AKAP13: variants seen among roughly 807,000 people sequenced by gnomAD.
The protein encoded by AKAP13 is A-kinase anchoring protein 13, also known as A-kinase anchor protein 13.
Under a neutral mutation model 264.5 loss-of-function variants are expected in AKAP13, and 80 were observed. The ratio of observed to expected loss-of-function variants is 0.30; its 90% CI spans 0.25 to 0.36. AKAP13 has a LOEUF of 0.36. Among genes scored for constraint, AKAP13 ranks in the 10% least tolerant of loss-of-function variants. AKAP13 has a pLI of 1.00. For synonymous variants in AKAP13, 1,380 were observed against 1,250.2 expected (o/e 1.10, Z -2.19); for missense variants, 3,712 against 3,435.2 (o/e 1.08, Z -2.01).
chr15:85,384,642 G>A (rs552684317), intron 1 of AKAP13, among the ~76,000 whole-genome samples: 60 of 151,868 alleles, frequency 4.0e-4, no homozygotes, highest in African/African-American at 1.3e-3. Context: ...GCTTGAACCC[G>A]GGAGGTGGAG....
Position 85,723,212 on chromosome 15 carries a change from A to G in AKAP13, c.6637A>G (p.Ile2213Val), listed in dbSNP as rs1300669673. The G allele has an allele frequency of 5.6e-6, 9 of 1,614,086 alleles. No individual in the cohort carries two copies. The highest frequency in any genetic ancestry group is 2.2e-5 in the South Asian group (2 of 91,086). ...EIYTKTDSKS[I>V]MRMKSGQMFA... ...TTATACAAAGACAGATAGCAAGTCA[A>G]TCATGAGGATGAAGAGTGGTCAGAT... The change falls in exon 26 of 37, where the codon ATC becomes GTC. Residue 2213 changes from isoleucine to valine, a missense_variant. This residue lies in a region of AKAP13 where 342 missense variants were observed against 484.3 expected (regional missense o/e 0.71). Transcript: ENST00000394518.
chr15:85,617,228 T>TTTG (rs764510632), intron 8 of AKAP13, among the ~76,000 whole-genome samples: 2 of 143,008 alleles, frequency 1.4e-5, no homozygotes, highest in South Asian at 2.2e-4. Context: ...GAAAAGCTTT[T>TTTG]TTGTTGTTGT....
chr15:85,699,703 A>T (rs2085798981), intron 17 of AKAP13, among the ~76,000 whole-genome samples: 1 of 152,220 alleles, frequency 6.6e-6, no homozygotes. Flanking sequence ...GGCACAAAAT[A>T]AGTTGGTATT....
At chr15:85,559,740 G>A (rs2078291648) in intron 5 of AKAP13, among the ~76,000 whole-genome samples, 1 of 129,428 alleles carries the variant, frequency 7.7e-6, no homozygotes, top group Non-Finnish European at 1.6e-5. Context: ...GGTAATGCAA[G>A]CAGTGGGGAG....
chr15:85,601,859 T>C (rs1596670257), intron 8 of AKAP13, among the ~76,000 whole-genome samples: 2 of 147,580 alleles, frequency 1.4e-5, no homozygotes, highest in East Asian at 3.9e-4. Flanking sequence ...CTAATCATTA[T>C]TAAAATTATA....
At position 85,717,392 on chromosome 15, in the gene AKAP13, T is replaced by C; in HGVS notation, c.5838T>C (p.Leu1946=). 6.2e-7 allele frequency: 1 copy of C among 1,610,986 alleles called. No individual in the cohort carries two copies. Among genetic ancestry groups the C allele is most frequent in the Non-Finnish European group, 8.5e-7 (1 of 1,177,704 alleles). The change falls in exon 21 of 37, where the codon CTT becomes CTC. Residue 1946 remains leucine, a synonymous_variant. Transcript: ENST00000394518. ...AGGTCAATGAGTCAACAGAATCACT[T>C]ACTGATGAGGGTAAGAGGAAGTTAT... ...ISKVNESTES[L]TDEGVGTDMN... is the part of the protein sequence containing the mutation.
intron 12 of AKAP13, 28 bp from the exon 13 acceptor site, chr15:85,664,535 T>C: frequency 3.2e-6 from 5 of 1,568,000 alleles, no homozygotes; most frequent in Non-Finnish European, 4.3e-6. Flanking sequence ...AGAAATAGAA[T>C]GAATTAACTT....
chr15:85,575,715 C>T (rs2078986461), intron 6 of AKAP13, among the ~76,000 whole-genome samples: 1 of 152,102 alleles, frequency 6.6e-6, no homozygotes, highest in South Asian at 2.1e-4. Context: ...CTTTCCTGGC[C>T]AGGCACAGTG....
chr15:85,509,104 C>T (rs534550869), intron 2 of AKAP13, among the ~76,000 whole-genome samples: 1 of 152,198 alleles, frequency 6.6e-6, no homozygotes, highest in Admixed American at 6.5e-5. Flanking sequence ...ATGTTTGAGG[C>T]CTAGTTCTTA....
intron 8 of AKAP13, among the ~76,000 whole-genome samples, chr15:85,586,355 C>T (rs993568638): frequency 2.0e-5 from 3 of 151,996 alleles, no homozygotes; most frequent in Non-Finnish European, 2.9e-5. Flanking sequence ...TACAGGCATG[C>T]GCCACCATGA....
At chr15:85,381,202 C>T (rs899443281) in intron 1 of AKAP13, among the ~76,000 whole-genome samples, 20 of 152,078 alleles carry the variant, frequency 1.3e-4, no homozygotes, top group African/African-American at 4.6e-4. Flanking sequence ...CTCACTCCTC[C>T]CCTGGGGCGG....
intron 19 of AKAP13, among the ~76,000 whole-genome samples, chr15:85,712,179 C>G (rs1001593450): frequency 1.3e-5 from 2 of 152,100 alleles, no homozygotes; most frequent in Admixed American, 1.3e-4. Context: ...GATGCCCACT[C>G]AAGCTTGAAA....
chr15:85,647,257 G>T (rs888924730), intron 10 of AKAP13, among the ~76,000 whole-genome samples: 1 of 152,154 alleles, frequency 6.6e-6, no homozygotes, highest in Non-Finnish European at 1.5e-5. Flanking sequence ...AATTAGCTGG[G>T]CATGGTGGCG....
At chr15:85,647,970 G>C (rs1354827636) in intron 10 of AKAP13, among the ~76,000 whole-genome samples, 1 of 151,930 alleles carries the variant, frequency 6.6e-6, no homozygotes, top group East Asian at 1.9e-4. Flanking sequence ...ACATTTAGAA[G>C]ATCTGCCTTT....
intron 1 of AKAP13, among the ~76,000 whole-genome samples, chr15:85,467,356 C>T (rs550334385): frequency 6.6e-6 from 1 of 152,264 alleles, no homozygotes; most frequent in East Asian, 1.9e-4. Context: ...AGCCCTCCTT[C>T]CCACCTTTCC....
At chr15:85,650,780 A>AAAAAAAAAAAAAAAAAAAT (rs1567175452) in intron 10 of AKAP13, among the ~76,000 whole-genome samples, 1 of 145,798 alleles carries the variant, frequency 6.9e-6, no homozygotes, top group Non-Finnish European at 1.5e-5. Flanking sequence ...AAAAAAAAAA[A>AAAAAAAAAAAAAAAAAAAT]AAAAAAAAAA....
intron 2 of AKAP13, among the ~76,000 whole-genome samples, chr15:85,520,966 T>G (rs1228868960): frequency 2.0e-5 from 3 of 152,252 alleles, no homozygotes; most frequent in African/African-American, 7.2e-5. Context: ...TGGTAATGAT[T>G]TATGGGATAT....
At chr15:85,588,592 A>C (rs548715059) in intron 8 of AKAP13, among the ~76,000 whole-genome samples, 1 of 152,214 alleles carries the variant, frequency 6.6e-6, no homozygotes, top group African/African-American at 2.4e-5. Flanking sequence ...CTTGTCTACT[A>C]TAAAGAAGAA....
rs1385827465 is a variant in AKAP13 at position 85,744,556 on chromosome 15, G to T, written c.8393-72G>T. ...CCTGTTTGCATTACAGAAGACTTTG[G>T]GATGGGGAGGAAGTTCAATGAAAGG... is the stretch of plus-strand genomic sequence containing the variant. On this transcript the variant is annotated intron_variant, in intron 36 of 36. Transcript: ENST00000394518. The T allele has an allele frequency of 3.3e-6, 5 of 1,524,002 alleles. No homozygotes were observed. The Admixed American group carries it at 6.7e-5, about 20-fold the overall frequency. 94.4% of individuals were successfully genotyped at this position (1,524,002 alleles called of 1,614,324 possible). A position where few individuals can be genotyped will look rare whatever the true frequency, so the allele number is the denominator to read the frequency against.
Sources: gnomAD v4.1 joint callset for allele counts (sites outside exome capture counted in the v4.1 genomes callset) on GRCh38, gnomAD v4.1.1 for gene constraint, gnomAD v4.1.1 regional missense constraint, MANE v1.5 for transcripts, NCBI Gene and HGNC (gene_info 2026-07-23, HGNC 2026-07-21) for gene names.